GRIA4: variants seen among roughly 807,000 people sequenced by gnomAD.
GRIA4 encodes glutamate receptor 4.
GRIA4 carries 34 observed loss-of-function variants against 104.0 expected under a neutral mutation model. That is an observed-to-expected ratio of 0.33 (90% CI 0.25 to 0.44). The LOEUF (loss-of-function observed/expected upper bound fraction) is 0.44, where lower values mean the gene tolerates loss of function less well. Among genes scored for constraint, GRIA4 ranks in the 20% least tolerant of loss-of-function variants. The probability of loss-of-function intolerance (pLI) is 1.00; values close to 1 mark genes in which losing one functional copy is unlikely to be tolerated. For missense variants in GRIA4, 750 were observed against 1,096.5 expected (o/e 0.68, Z 4.46); for synonymous variants, 386 against 381.9 (o/e 1.01, Z -0.13).
chr11:105,796,926 G>T (rs1216382896), intron 4 of GRIA4, among the ~76,000 whole-genome samples: 2 of 152,054 alleles, frequency 1.3e-5, no homozygotes, highest in East Asian at 3.9e-4. Flanking sequence ...CATATTAGAA[G>T]CATTGATACA....
intron 6 of GRIA4, among the ~76,000 whole-genome samples, chr11:105,888,271 C>CCTT (rs1555038827): frequency 1.8e-5 from 1 of 54,560 alleles, no homozygotes; most frequent in Non-Finnish European, 3.0e-5. Context: ...ATGTTTTCTC[C>CCTT]TTTTTTTTTT....
chr11:105,810,036 C>T (rs968969692), intron 4 of GRIA4, among the ~76,000 whole-genome samples: 1 of 152,040 alleles, frequency 6.6e-6, no homozygotes, highest in African/African-American at 2.4e-5. Flanking sequence ...TGATTGATAA[C>T]AATTCATTGG....
chr11:105,862,900 C>G (rs1317087997), intron 5 of GRIA4, among the ~76,000 whole-genome samples: 1 of 152,040 alleles, frequency 6.6e-6, no homozygotes, highest in Non-Finnish European at 1.5e-5. Context: ...ATAACATCTG[C>G]CTTTCCCTAC....
At chr11:105,660,812 T>C (rs146731877) in intron 3 of GRIA4, among the ~76,000 whole-genome samples, 4 of 151,616 alleles carry the variant, frequency 2.6e-5, no homozygotes, top group African/African-American at 4.8e-5. Context: ...CATATATAGA[T>C]ACAATTGCAG....
chr11:105,628,375 C>T (rs368947335), intron 3 of GRIA4, among the ~76,000 whole-genome samples: 3 of 152,040 alleles, frequency 2.0e-5, no homozygotes, highest in Non-Finnish European at 2.9e-5. Flanking sequence ...CATGCTGATA[C>T]GGTTTGGCTG....
At chr11:105,613,254 A>G (rs1465999636) in intron 3 of GRIA4, 2 of 152,162 alleles carry the variant, frequency 1.3e-5, no homozygotes, top group African/African-American at 4.8e-5. Flanking sequence ...AAAAAATACA[A>G]TCAACTGTGC....
At chr11:105,822,239 A>G (rs1275581471) in intron 4 of GRIA4, among the ~76,000 whole-genome samples, 1 of 152,138 alleles carries the variant, frequency 6.6e-6, no homozygotes, top group Non-Finnish European at 1.5e-5. Flanking sequence ...AAAGACATAT[A>G]GCTAGGAGTG....
rs1944054175 is a variant in GRIA4 at position 105,833,375 on chromosome 11, A to G, written c.488-28649A>G. Among the ~76,000 whole-genome samples, 4 of 151,994 alleles carry G rather than the reference A, an allele frequency of 2.6e-5. No individual in the cohort carries two copies. The South Asian group carries it at 6.2e-4, about 24-fold the overall frequency. On this transcript the variant is annotated intron_variant, in intron 4 of 16. Transcript: ENST00000282499. ...CCTTCCATTTCTTTGTAACATCTAAATTATTCAACATAATTATTAACCTGA... is the reference window on the plus strand; with the variant it reads ...CCTTCCATTTCTTTGTAACATCTAAGTTATTCAACATAATTATTAACCTGA...
intron 4 of GRIA4, among the ~76,000 whole-genome samples, chr11:105,850,259 A>G (rs1370610562): frequency 6.6e-6 from 1 of 152,204 alleles, no homozygotes; most frequent in Non-Finnish European, 1.5e-5. Context: ...TTTTGCATTC[A>G]TTATAATTCT....
At chr11:105,940,961 CT>C (rs1397951810) in intron 14 of GRIA4, among the ~76,000 whole-genome samples, 2 of 151,920 alleles carry the variant, frequency 1.3e-5, no homozygotes, top group Non-Finnish European at 2.9e-5. Flanking sequence ...ACATTTGTTC[CT>C]CTCCAAAATA....
rs118025232 is a variant in GRIA4, at chr11:105,630,112, A to T, written c.247+17678A>T. On this transcript the variant is annotated intron_variant, in intron 3 of 16. Coordinates refer to ENST00000282499, the MANE Select transcript of GRIA4 (RefSeq NM_000829.4). Reference sequence around the variant, plus strand: ...ACCACCCCAGATTGATTTAGGCTCCACTTTGCTATGATCTCAAGGCACCTT... The same window carrying T: ...ACCACCCCAGATTGATTTAGGCTCCTCTTTGCTATGATCTCAAGGCACCTT... Among the ~76,000 whole-genome samples, 237 of 152,212 alleles carry T rather than the reference A, an allele frequency of 1.6e-3. 5 individuals carry two copies. The East Asian group carries it at 0.042, about 27-fold the overall frequency.
chr11:105,768,515 T>TA (rs983287033), intron 4 of GRIA4, among the ~76,000 whole-genome samples: 3 of 151,880 alleles, frequency 2.0e-5, no homozygotes, highest in Non-Finnish European at 4.4e-5. Flanking sequence ...AGTTTTCACG[T>TA]AAAAAAAATC....
chr11:105,717,317 T>G (rs574522307), intron 3 of GRIA4, among the ~76,000 whole-genome samples: 1 of 151,598 alleles, frequency 6.6e-6, no homozygotes, highest in East Asian at 1.9e-4. Flanking sequence ...CCTAAAAGCA[T>G]AAAAAGAAAA....
chr11:105,729,163 A>G (rs576930016), intron 3 of GRIA4, among the ~76,000 whole-genome samples: 1 of 152,328 alleles, frequency 6.6e-6, no homozygotes, highest in African/African-American at 2.4e-5. Context: ...AAAAATGATA[A>G]AGGGGAGATT....
chr11:105,939,687 G>T (rs1430481304), intron 14 of GRIA4, among the ~76,000 whole-genome samples: 3 of 152,198 alleles, frequency 2.0e-5, no homozygotes, highest in Non-Finnish European at 4.4e-5. Context: ...TAGGATCTCA[G>T]GTTATAGGAT....
chr11:105,718,869 C>T (rs2135569872), intron 3 of GRIA4, among the ~76,000 whole-genome samples: 1 of 152,228 alleles, frequency 6.6e-6, no homozygotes, highest in East Asian at 1.9e-4. Context: ...GCTCCTTGAG[C>T]AGGATTCTTG....
At chr11:105,685,885 G>T (rs1296863115) in intron 3 of GRIA4, among the ~76,000 whole-genome samples, 1 of 151,832 alleles carries the variant, frequency 6.6e-6, no homozygotes, top group Non-Finnish European at 1.5e-5. Context: ...TTGAAATCTA[G>T]TATACAATAA....
intron 3 of GRIA4, among the ~76,000 whole-genome samples, chr11:105,689,586 A>G (rs908653324): frequency 6.6e-6 from 1 of 152,308 alleles, no homozygotes; most frequent in East Asian, 1.9e-4. Context: ...AGAACATTAC[A>G]CATTTTATTG....
At chr11:105,833,172 A>G (rs1053643426) in intron 4 of GRIA4, among the ~76,000 whole-genome samples, 1 of 151,854 alleles carries the variant, frequency 6.6e-6, no homozygotes, top group Non-Finnish European at 1.5e-5. Context: ...CATACAACAG[A>G]TCTTTACTGG....
Sources: allele counts gnomAD v4.1 joint callset (sites outside exome capture counted in the v4.1 genomes callset), GRCh38; gene constraint gnomAD v4.1.1; transcripts MANE v1.5; gene names NCBI Gene and HGNC (gene_info 2026-07-23, HGNC 2026-07-21).